SPRED1: variants seen among roughly 807,000 people sequenced by gnomAD.
SPRED1 encodes sprouty-related, EVH1 domain-containing protein 1.
A neutral mutation model predicts 52.3 loss-of-function variants in SPRED1; 18 were observed. The observed-to-expected ratio is 0.34, with a 90% CI of 0.24 to 0.51. The LOEUF is 0.51. Ranked by LOEUF, SPRED1 falls within the 20% of genes least tolerant of loss-of-function variation. SPRED1 has a pLI of 0.97. For synonymous variants in SPRED1, 155 were observed against 179.7 expected (o/e 0.86, Z 1.10); for missense variants, 485 against 551.0 (o/e 0.88, Z 1.20).
At chr15:38,278,765 G>T (rs546021061) in intron 1 of SPRED1, among the ~76,000 whole-genome samples, 33 of 44,314 alleles carry the variant, frequency 7.4e-4, no homozygotes, top group African/African-American at 1.5e-3. Flanking sequence ...AAGGAAGAAT[G>T]ACAAAGAAAA....
At chr15:38,268,512 C>A (rs1894360182) in intron 1 of SPRED1, among the ~76,000 whole-genome samples, 1 of 152,206 alleles carries the variant, frequency 6.6e-6, no homozygotes, top group Admixed American at 6.5e-5. Context: ...GTGCGTGATA[C>A]ACTTACCCTT....
At chr15:38,319,942 T>C (rs1363836025) in intron 2 of SPRED1, among the ~76,000 whole-genome samples, 1 of 152,226 alleles carries the variant, frequency 6.6e-6, no homozygotes, top group South Asian at 2.1e-4. Context: ...TTACTCAACA[T>C]GCCATCATTG....
chr15:38,314,259 C>G (rs1389976538), intron 2 of SPRED1, among the ~76,000 whole-genome samples: 1 of 151,718 alleles, frequency 6.6e-6, no homozygotes, highest in African/African-American at 2.4e-5. Context: ...TCTATTTCAT[C>G]TATCAATTAT....
intron 1 of SPRED1, among the ~76,000 whole-genome samples, chr15:38,282,711 C>T (rs929040613): frequency 9.2e-5 from 14 of 152,026 alleles, no homozygotes; most frequent in African/African-American, 3.4e-4. Flanking sequence ...GGAAATGTCT[C>T]CTGTACATCT....
intron 1 of SPRED1, among the ~76,000 whole-genome samples, chr15:38,278,393 G>T (rs1046185242): frequency 6.6e-6 from 1 of 152,200 alleles, no homozygotes; most frequent in African/African-American, 2.4e-5. Context: ...ATAGGTGGGA[G>T]GATTGCTTGA....
chr15:38,347,516 T>A (rs1896167220), intron 5 of SPRED1, among the ~76,000 whole-genome samples: 1 of 149,906 alleles, frequency 6.7e-6, no homozygotes, highest in African/African-American at 2.5e-5. Flanking sequence ...TTAAAATATT[T>A]AGAATCAGCT....
chr15:38,344,555 T>C (rs572667583), intron 5 of SPRED1, among the ~76,000 whole-genome samples: 1 of 152,236 alleles, frequency 6.6e-6, no homozygotes, highest in East Asian at 1.9e-4. Context: ...GCTCTTAGCT[T>C]TGGGATTATG....
intron 1 of SPRED1, among the ~76,000 whole-genome samples, chr15:38,254,083 A>G (rs1444347508): frequency 6.6e-6 from 1 of 152,160 alleles, no homozygotes; most frequent in East Asian, 1.9e-4. Context: ...TGCGTGGAGA[A>G]ATAATGGTTG....
intron 1 of SPRED1, among the ~76,000 whole-genome samples, chr15:38,263,604 T>C (rs550777508): frequency 2.1e-4 from 32 of 152,170 alleles, no homozygotes; most frequent in Non-Finnish European, 4.1e-4. Flanking sequence ...AAGCGTTAGA[T>C]ATCACAGAAA....
At chr15:38,270,655 G>A (rs1447633212) in intron 1 of SPRED1, among the ~76,000 whole-genome samples, 6 of 152,142 alleles carry the variant, frequency 3.9e-5, no homozygotes, top group Admixed American at 2.6e-4. Flanking sequence ...CAAGAACAGC[G>A]AGGGGGTAGT....
chr15:38,284,054 C>G (rs2140966957), intron 1 of SPRED1, among the ~76,000 whole-genome samples: 1 of 152,090 alleles, frequency 6.6e-6, no homozygotes, highest in East Asian at 1.9e-4. Context: ...GCCATTATGA[C>G]ATTATGTTGT....
rs749950643 is a variant in SPRED1 at position 38,322,313 on chromosome 15, A to G, written c.280A>G (p.Ile94Val). ...CACTCCAACATTTCACCACTGGAAG[A>G]TTGATGACAAGAAGTTTGGTCTTAC... The part of the protein sequence containing the change: ...KVTPTFHHWK[I>V]DDKKFGLTFQ... The change falls in exon 3 of 7, where the codon ATT becomes GTT. Residue 94 changes from isoleucine to valine, a missense_variant. Transcript: ENST00000299084. The G allele has an allele frequency of 6.2e-7, 1 of 1,613,942 alleles. No individual in the cohort carries two copies. The highest frequency in any genetic ancestry group is 1.1e-5 in the South Asian group (1 of 91,082).
rs1290157571 is a variant in SPRED1, at chr15:38,351,669, G to A, written c.*5G>A. Reference sequence around the variant, plus strand: ...AAACATAAAGCTGCTGGATGAAATGGTCCAGTGCCAAAATGAGCTTAAAAT... The same window carrying A: ...AAACATAAAGCTGCTGGATGAAATGATCCAGTGCCAAAATGAGCTTAAAAT... On this transcript the variant is annotated 3_prime_UTR_variant, in exon 7 of 7. Coordinates refer to ENST00000299084, the MANE Select transcript of SPRED1 (RefSeq NM_152594.3). 3.7e-6 allele frequency: 6 copies of A among 1,610,894 alleles called. No homozygotes were observed. Among genetic ancestry groups the A allele is most frequent in the Admixed American group, 1.7e-5 (1 of 59,982 alleles).
intron 1 of SPRED1, among the ~76,000 whole-genome samples, chr15:38,282,978 T>C (rs759346975): frequency 6.6e-6 from 1 of 152,152 alleles, no homozygotes; most frequent in African/African-American, 2.4e-5. Context: ...TTCCATTAGA[T>C]ACTGGATTGC....
Position 38,262,327 on chromosome 15 carries a change from A to C in SPRED1, c.32+9110A>C, listed in dbSNP as rs530127470. 2.6e-4 allele frequency among the ~76,000 whole-genome samples: 39 copies of C among 152,300 alleles called. 1 individual carries two copies. The highest frequency in any genetic ancestry group is 9.1e-4 in the African/African-American group (38 of 41,568). On this transcript the variant is annotated intron_variant, in intron 1 of 6. Transcript: ENST00000299084. ...GGGAAATAGATACTTCTGAAATGTG[A>C]TGGGTGTTCTGGTTATAAAGTTCTT...
chr15:38,298,509 G>GT (rs1895083083), intron 1 of SPRED1: 1 of 325,682 alleles, frequency 3.1e-6, no homozygotes, highest in Non-Finnish European at 5.8e-6. Context: ...GGACTACTTA[G>GT]TTAAAAAAAA....
chr15:38,342,605 A>G (rs372337341), intron 5 of SPRED1, among the ~76,000 whole-genome samples: 105 of 152,048 alleles, frequency 6.9e-4, no homozygotes, highest in African/African-American at 2.4e-3. Flanking sequence ...TTTTTGAAGG[A>G]TGTTTTGCTT....
chr15:38,339,126 A>G (rs569847223), intron 4 of SPRED1, among the ~76,000 whole-genome samples: 283 of 150,846 alleles, frequency 1.9e-3, no homozygotes, highest in Non-Finnish European at 2.6e-3. Context: ...CTTACTTAAT[A>G]TTTATTTTAT....
chr15:38,284,678 AT>A (rs924942997), intron 1 of SPRED1, among the ~76,000 whole-genome samples: 2 of 151,168 alleles, frequency 1.3e-5, no homozygotes, highest in African/African-American at 4.9e-5. Flanking sequence ...TCAAGTTTTA[AT>A]TTTTTTTTCC....
Sources: gnomAD v4.1 joint callset for allele counts (sites outside exome capture counted in the v4.1 genomes callset) on GRCh38, gnomAD v4.1.1 for gene constraint, MANE v1.5 for transcripts, NCBI Gene and HGNC (gene_info 2026-07-23, HGNC 2026-07-21) for gene names.